RASSF6: variants seen among roughly 807,000 people sequenced by gnomAD.
The protein encoded by RASSF6 is ras association domain-containing protein 6.
Under a neutral mutation model 44.0 loss-of-function variants are expected in RASSF6, and 52 were observed. The observed-to-expected ratio is 1.18, with a 90% CI of 0.95 to 1.49. The LOEUF (loss-of-function observed/expected upper bound fraction) is 1.49. Ranked by LOEUF, RASSF6 falls within the 40% of genes most tolerant of loss-of-function variation. RASSF6 has a pLI of 0.00. For synonymous variants in RASSF6, 162 were observed against 124.6 expected (o/e 1.30, Z -2.00); for missense variants, 464 against 393.3 (o/e 1.18, Z -1.52).
At chr4:73,615,145 C>G (rs1726267034) in intron 1 of RASSF6, among the ~76,000 whole-genome samples, 1 of 133,428 alleles carries the variant, frequency 7.5e-6, no homozygotes, top group Non-Finnish European at 1.5e-5. Flanking sequence ...TGTCCCTGCA[C>G]TCCAGCCTGG....
chr4:73,619,689 C>T (rs1485356054), intron 1 of RASSF6, among the ~76,000 whole-genome samples: 1 of 152,144 alleles, frequency 6.6e-6, no homozygotes, highest in African/African-American at 2.4e-5. Context: ...TTGAACCTAC[C>T]ACTCTTCTGC....
In RASSF6 at chr4:73,590,998, G is replaced by T. The variant is rs56868275; in HGVS notation, c.287+2453C>A. Among the ~76,000 whole-genome samples the T allele has an allele frequency of 4.1e-3, 631 of 152,270 alleles. 2 individuals carry two copies. The highest frequency in any genetic ancestry group is 0.014 in the African/African-American group (594 of 41,544). On this transcript the variant is annotated intron_variant, in intron 4 of 10. Coordinates refer to ENST00000307439, the MANE Select transcript of RASSF6 (RefSeq NM_177532.5). ...AGTATATGGAGAGGCATATTACCTT[G>T]TCCACCTGGGCTCTTGAAACTCATC...
chr4:73,579,511 T>A (rs1368244510), intron 8 of RASSF6, among the ~76,000 whole-genome samples: 1 of 152,228 alleles, frequency 6.6e-6, no homozygotes, highest in African/African-American at 2.4e-5. Context: ...TGGCTTGAGC[T>A]TGCATTTCCT....
At chr4:73,585,417 T>A (rs1724015310) in intron 5 of RASSF6, 53 bp from the exon 6 acceptor site, 8 of 1,263,080 alleles carry the variant, frequency 6.3e-6, no homozygotes, top group Non-Finnish European at 8.6e-6. Context: ...TGTCCTAGCA[T>A]CCTGAGTGGA....
chr4:73,603,461 G>A (rs1245183141), intron 2 of RASSF6, among the ~76,000 whole-genome samples: 1 of 152,086 alleles, frequency 6.6e-6, no homozygotes, highest in Admixed American at 6.6e-5. Context: ...GCCAAGGAGA[G>A]ACTGACCTTG....
chr4:73,597,481 TG>T (rs1004134873), intron 3 of RASSF6, among the ~76,000 whole-genome samples: 5 of 152,150 alleles, frequency 3.3e-5, no homozygotes, highest in African/African-American at 1.2e-4. Context: ...TAACAGATGC[TG>T]GTGAGGTTGT....
chr4:73,581,875 A>C lies in RASSF6; in HGVS notation c.670-7T>G. ...CCTGGGGACTATTTTCAATCTGTCA[A>C]GGGAAAAAATGAACAAATATAAATT... On this transcript the variant is annotated splice_polypyrimidine_tract_variant and splice_region_variant and intron_variant, in intron 7 of 10. Transcript: ENST00000307439. 1 of 1,606,568 alleles carries C rather than the reference A, an allele frequency of 6.2e-7. No individual in the cohort carries two copies. Among genetic ancestry groups the C allele is most frequent in the Non-Finnish European group, 8.5e-7 (1 of 1,173,772 alleles).
chr4:73,598,856 A>G (rs1359898263), intron 2 of RASSF6, 138 bp from the exon 3 acceptor site: 6 of 476,608 alleles, frequency 1.3e-5, no homozygotes, highest in Admixed American at 9.0e-5. Flanking sequence ...TTAACTTAAC[A>G]TAAGTCATTG....
Position 73,576,724 on chromosome 4 carries a change from T to C in RASSF6, c.729A>G (p.Arg243=). 6.3e-7 allele frequency: 1 copy of C among 1,596,034 alleles called. No homozygotes were observed. The highest frequency in any genetic ancestry group is 8.6e-7 in the Non-Finnish European group (1 of 1,166,104). Residue 243 remains arginine, a synonymous_variant, in exon 9 of 11, where the codon AGA becomes AGG. Transcript: ENST00000307439. ...GCGGAATGTCTGTCTTCTTTAGTCG[T>C]CTTTGTTCTGCAGTGAAAACAAGAA... ...LHIIFATGEQ[R]RLKKTDIPLL...
chr4:73,619,947 G>A (rs28658027), intron 1 of RASSF6, among the ~76,000 whole-genome samples: 29,029 of 151,944 alleles, frequency 0.19, 3,524 homozygotes, highest in Admixed American at 0.35. Context: ...CAGAAGTCTA[G>A]TATCTTTGTA....
At chr4:73,587,196 A>G (rs1158712694) in intron 5 of RASSF6, among the ~76,000 whole-genome samples, 1 of 152,090 alleles carries the variant, frequency 6.6e-6, no homozygotes, top group Non-Finnish European at 1.5e-5. Flanking sequence ...CAATATCACT[A>G]TTATTACTCT....
At chr4:73,596,721 T>C (rs919783904) in intron 3 of RASSF6, among the ~76,000 whole-genome samples, 1 of 152,156 alleles carries the variant, frequency 6.6e-6, no homozygotes, top group Admixed American at 6.5e-5. Context: ...GTCTTCAAAC[T>C]ATACTACTGG....
rs1723162514 is a variant in RASSF6 at position 73,575,643 on chromosome 4, T to C, written c.*592A>G. The C allele has an allele frequency of 6.6e-6, 1 of 152,210 alleles. No individual in the cohort carries two copies. Among genetic ancestry groups the C allele is most frequent in the Non-Finnish European group, 1.5e-5 (1 of 68,044 alleles). 9.4% of individuals were successfully genotyped at this position (152,210 alleles called of 1,614,324 possible). On this transcript the variant is annotated 3_prime_UTR_variant, in exon 11 of 11. Coordinates refer to ENST00000307439, the MANE Select transcript of RASSF6 (RefSeq NM_177532.5). ...GGGCTGGGGGGAGGTTCAGAAAATT[T>C]CAATTAGGATTTCTTAACAGAGTCC...
At chr4:73,591,221 AC>A (rs1172205468) in intron 4 of RASSF6, among the ~76,000 whole-genome samples, 1 of 152,222 alleles carries the variant, frequency 6.6e-6, no homozygotes, top group Non-Finnish European at 1.5e-5. Flanking sequence ...TCTGCAATGT[AC>A]ATATGCATAA....
chr4:73,603,195 G>T lies in RASSF6; in HGVS notation c.66-4477C>A, dbSNP rs528387609. Among the ~76,000 whole-genome samples, 19 of 152,296 alleles carry T rather than the reference G, an allele frequency of 1.2e-4. 1 individual carries two copies. The highest frequency in any genetic ancestry group is 4.1e-4 in the African/African-American group (17 of 41,560). On this transcript the variant is annotated intron_variant, in intron 2 of 10. Transcript: ENST00000307439. ...TTCTAGGAAAGAGCCTTGGTTTTTGGAACGTGAAACACTGTATCACAATAT... is the reference window on the plus strand; with the variant it reads ...TTCTAGGAAAGAGCCTTGGTTTTTGTAACGTGAAACACTGTATCACAATAT...
At chr4:73,580,145 A>G (rs1344200316) in intron 8 of RASSF6, among the ~76,000 whole-genome samples, 6 of 150,972 alleles carry the variant, frequency 4.0e-5, no homozygotes, top group Non-Finnish European at 8.8e-5. Context: ...TTCTTGCGAT[A>G]GTTTACTAAG....
chr4:73,600,460 C>T (rs1016536880), intron 2 of RASSF6, among the ~76,000 whole-genome samples: 2 of 151,860 alleles, frequency 1.3e-5, no homozygotes, highest in Non-Finnish European at 2.9e-5. Flanking sequence ...CTTTGATCCT[C>T]AATATCTGTC....
intron 1 of RASSF6, among the ~76,000 whole-genome samples, chr4:73,617,554 T>C (rs1294501215): frequency 1.3e-5 from 2 of 152,204 alleles, no homozygotes; most frequent in Non-Finnish European, 2.9e-5. Context: ...TCATTTTTCC[T>C]GTTTGTATAT....
At chr4:73,581,566 A>G (rs1723648672) in intron 8 of RASSF6, among the ~76,000 whole-genome samples, 1 of 152,218 alleles carries the variant, frequency 6.6e-6, no homozygotes, top group Non-Finnish European at 1.5e-5. Flanking sequence ...ATCTCCATTT[A>G]GATAATTTAA....
Sources: gnomAD v4.1 joint callset for allele counts (sites outside exome capture counted in the v4.1 genomes callset) on GRCh38, gnomAD v4.1.1 for gene constraint, MANE v1.5 for transcripts, NCBI Gene and HGNC (gene_info 2026-07-23, HGNC 2026-07-21) for gene names.